Variants in PHTF2 observed in about 807,000 individuals in gnomAD.
The protein encoded by PHTF2 is putative homeodomain transcription factor 2.
A neutral mutation model predicts 101.2 loss-of-function variants in PHTF2; 60 were observed. The ratio of observed to expected loss-of-function variants is 0.59; its 90% CI spans 0.48 to 0.73. The LOEUF (loss-of-function observed/expected upper bound fraction) is 0.73. PHTF2 is among the 30% of genes least tolerant of loss of function. PHTF2 has a pLI of 0.00. For missense variants in PHTF2, 747 were observed against 908.7 expected, an observed-to-expected ratio of 0.82 and a Z score of 2.29; for synonymous variants, 311 against 307.3, an observed-to-expected ratio of 1.01 and a Z score of -0.13.
exon 7 of PHTF2, chr7:77,901,880 G>A: frequency 1.3e-6 from 2 of 1,599,290 alleles, no homozygotes; most frequent in Non-Finnish European, 1.7e-6. Context: ...TAACATCAAA[G>A]GTCATCTTTT....
At chr7:77,861,789 G>C (rs1355024958) in intron 3 of PHTF2, among the ~76,000 whole-genome samples, 1 of 152,180 alleles carries the variant, frequency 6.6e-6, no homozygotes, top group Non-Finnish European at 1.5e-5. Context: ...CAGCTGTGGT[G>C]GTGCATGCCT....
chr7:77,913,289 A>AG (rs1336639352), intron 9 of PHTF2, among the ~76,000 whole-genome samples: 1 of 151,240 alleles, frequency 6.6e-6, no homozygotes, highest in Non-Finnish European at 1.5e-5. Flanking sequence ...TTGAGAGGCT[A>AG]GGGCAGGAGA....
chr7:77,922,982 G>A, intron 11 of PHTF2: 2 of 1,273,560 alleles, frequency 1.6e-6, no homozygotes, highest in East Asian at 3.1e-5. Flanking sequence ...ACACATTTGA[G>A]CTCATTTTAT....
At chr7:77,933,024 G>T (rs1218610069) in intron 12 of PHTF2, among the ~76,000 whole-genome samples, 1 of 152,100 alleles carries the variant, frequency 6.6e-6, no homozygotes. Flanking sequence ...GGATCACAAG[G>T]TTAGGAGATC....
At chr7:77,822,078 G>A (rs969415124) in intron 1 of PHTF2, among the ~76,000 whole-genome samples, 11 of 152,180 alleles carry the variant, frequency 7.2e-5, no homozygotes, top group Non-Finnish European at 1.5e-4. Context: ...AGACGTGGGG[G>A]GCACTCTTCC....
intron 3 of PHTF2, among the ~76,000 whole-genome samples, chr7:77,881,744 T>C (rs771273904): frequency 6.6e-6 from 1 of 152,176 alleles, no homozygotes; most frequent in Non-Finnish European, 1.5e-5. Flanking sequence ...CCCAGGTACT[T>C]AAGCCAGAAA....
chr7:77,943,962 A>G (rs931204218), intron 16 of PHTF2, among the ~76,000 whole-genome samples: 1 of 152,130 alleles, frequency 6.6e-6, no homozygotes, highest in Admixed American at 6.5e-5. Context: ...AGATTGCACC[A>G]CTGCACTCCA....
chr7:77,850,205 A>T (rs535786716), intron 2 of PHTF2, among the ~76,000 whole-genome samples: 2 of 150,806 alleles, frequency 1.3e-5, no homozygotes, highest in Admixed American at 6.6e-5. Context: ...AAAAAAAAAA[A>T]AAAAAAATCC....
chr7:77,812,594 T>C (rs1431056432), intron 1 of PHTF2, among the ~76,000 whole-genome samples: 1 of 128,792 alleles, frequency 7.8e-6, no homozygotes, highest in Non-Finnish European at 1.7e-5. Flanking sequence ...CTTTTTTTAC[T>C]TTTTTTTTTT....
At chr7:77,840,435 T>C in intron 2 of PHTF2, 135 bp downstream of exon 2, 1 of 574,496 alleles carries the variant, frequency 1.7e-6, no homozygotes, top group Non-Finnish European at 3.1e-6. Context: ...TTATTTTACT[T>C]CTAAATAAAT....
At chr7:77,809,982 G>A (rs1793309356) in intron 1 of PHTF2, among the ~76,000 whole-genome samples, 1 of 152,176 alleles carries the variant, frequency 6.6e-6, no homozygotes, top group South Asian at 2.1e-4. Context: ...TAAGTCAATA[G>A]TTGGTATATA....
intron 18 of PHTF2, among the ~76,000 whole-genome samples, chr7:77,953,157 C>T (rs889341407): frequency 3.3e-5 from 5 of 152,144 alleles, no homozygotes; most frequent in African/African-American, 1.2e-4. Flanking sequence ...TTCAGGAGCA[C>T]CTTCCTCTAT....
intron 3 of PHTF2, among the ~76,000 whole-genome samples, chr7:77,879,932 T>C (rs917588999): frequency 3.3e-5 from 5 of 152,226 alleles, no homozygotes; most frequent in African/African-American, 4.8e-5. Flanking sequence ...GTTGAGGGTA[T>C]TAGCTCCCTT....
At chr7:77,893,465 A>G (rs1345336307) in intron 3 of PHTF2, 143 bp from the exon 3 acceptor site, 3 of 446,610 alleles carry the variant, frequency 6.7e-6, no homozygotes, top group Admixed American at 3.9e-5. Flanking sequence ...CTGCAATAAT[A>G]TGATACTGAT....
At chr7:77,859,844 G>C (rs564519976) in intron 3 of PHTF2, among the ~76,000 whole-genome samples, 1 of 152,032 alleles carries the variant, frequency 6.6e-6, no homozygotes, top group Non-Finnish European at 1.5e-5. Flanking sequence ...CAAAGTGCTG[G>C]AATTACAAGT....
chr7:77,811,983 A>G (rs1327892314), intron 1 of PHTF2, among the ~76,000 whole-genome samples: 2 of 152,254 alleles, frequency 1.3e-5, no homozygotes, highest in Non-Finnish European at 2.9e-5. Flanking sequence ...GGCATAGGCT[A>G]CATGACCATG....
intron 3 of PHTF2, among the ~76,000 whole-genome samples, chr7:77,884,279 A>G (rs946047980): frequency 3.3e-5 from 5 of 152,238 alleles, no homozygotes; most frequent in African/African-American, 1.2e-4. Flanking sequence ...GTTTTTGGTT[A>G]CATGATGAAT....
chr7:77,957,111 A>C (rs930718727), exon 20 of PHTF2: 3 of 152,166 alleles, frequency 2.0e-5, no homozygotes, highest in African/African-American at 7.2e-5. Context: ...TAATATAGAA[A>C]TGGCAGTTCA....
intron 5 of PHTF2, among the ~76,000 whole-genome samples, chr7:77,899,704 T>C (rs1203733117): frequency 6.6e-6 from 1 of 152,210 alleles, no homozygotes; most frequent in Admixed American, 6.5e-5. Context: ...TCAAACAGAA[T>C]ACTTAATCAG....
Sources: allele counts gnomAD v4.1 joint callset (sites outside exome capture counted in the v4.1 genomes callset), GRCh38; gene constraint gnomAD v4.1.1; transcripts MANE v1.5; gene names NCBI Gene and HGNC (gene_info 2026-07-23, HGNC 2026-07-21).